The following CSMD1 variants were observed in gnomAD, a reference collection of about 807,000 sequenced individuals.
CSMD1 encodes CUB and sushi domain-containing protein 1.
In CSMD1, 213 loss-of-function variants were observed where a neutral mutation model predicts 417.5. The ratio of observed to expected loss-of-function variants is 0.51; its 90% confidence interval spans 0.46 to 0.57. The LOEUF is 0.57. Among genes scored for constraint, CSMD1 ranks in the 20% least tolerant of loss-of-function variants. CSMD1 has a pLI of 0.00. For missense variants in CSMD1, 6,923 were observed against 4,529.7 expected, an observed-to-expected ratio of 1.53 and a Z score of -15.17; for synonymous variants, 2,862 against 1,736.8, an observed-to-expected ratio of 1.65 and a Z score of -16.11.
chr8:4,322,924 G>T (rs1236524259), intron 3 of CSMD1, among the ~76,000 whole-genome samples: 2 of 152,210 alleles, frequency 1.3e-5, no homozygotes, highest in Non-Finnish European at 2.9e-5. Context: ...GGTGGAGGTT[G>T]CAGTGAGCCT....
chr8:3,118,412 A>G lies in CSMD1; in HGVS notation c.6417T>C (p.Phe2139=), dbSNP rs190764685. Residue 2139 remains phenylalanine, a synonymous_variant, in exon 42 of 70, where the codon TTT becomes TTC. Coordinates refer to ENST00000635120, the MANE Select transcript of CSMD1 (RefSeq NM_033225.6). ...HGINRNWNYP[F]PRCDAPCGYN... is the part of the protein sequence containing the mutation. ...TGATGAACTTACCATCACATCTTGG[A>G]AAAGGGTAGTTCCAGTTTCTGTTGA... The G allele has an allele frequency of 1.2e-5, 20 of 1,612,292 alleles. 1 individual carries two copies. The Admixed American group carries it at 2.2e-4, about 18-fold the overall frequency.
At chr8:3,408,632 A>G (rs114478249) in intron 13 of CSMD1, among the ~76,000 whole-genome samples, 2,496 of 152,224 alleles carry the variant, frequency 0.016, 69 homozygotes, top group African/African-American at 0.056. Context: ...TTTATATTTT[A>G]TACTTTCCTG....
At chr8:3,257,532 T>C (rs1412663038) in intron 26 of CSMD1, among the ~76,000 whole-genome samples, 1 of 152,200 alleles carries the variant, frequency 6.6e-6, no homozygotes, top group Non-Finnish European at 1.5e-5. Flanking sequence ...GGAGTGTCGA[T>C]GGCACTGAGA....
At chr8:4,236,399 C>T (rs936938603) in intron 3 of CSMD1, among the ~76,000 whole-genome samples, 2 of 151,932 alleles carry the variant, frequency 1.3e-5, no homozygotes, top group Non-Finnish European at 2.9e-5. Context: ...GACGAAGCAC[C>T]CACTCTAGCC....
chr8:3,897,175 G>T (rs1440248358), intron 5 of CSMD1, among the ~76,000 whole-genome samples: 2 of 152,174 alleles, frequency 1.3e-5, no homozygotes, highest in Non-Finnish European at 2.9e-5. Context: ...CGAGACAAGG[G>T]TTAGTAGCAC....
At chr8:4,292,279 G>C (rs1364742496) in intron 3 of CSMD1, among the ~76,000 whole-genome samples, 4 of 152,116 alleles carry the variant, frequency 2.6e-5, no homozygotes, top group African/African-American at 4.8e-5. Flanking sequence ...TTGAGACAGA[G>C]TCTCGCTCTG....
intron 3 of CSMD1, among the ~76,000 whole-genome samples, chr8:4,249,072 T>G (rs1233591559): frequency 6.6e-6 from 1 of 152,182 alleles, no homozygotes; most frequent in Admixed American, 6.5e-5. Context: ...TTCCTTGCTG[T>G]TAGGCACTCA....
At chr8:3,905,354 TA>T (rs1218652042) in intron 5 of CSMD1, among the ~76,000 whole-genome samples, 6 of 152,188 alleles carry the variant, frequency 3.9e-5, no homozygotes, top group Non-Finnish European at 8.8e-5. Flanking sequence ...GTTGATCATC[TA>T]AAAAAAGTTC....
intron 12 of CSMD1, among the ~76,000 whole-genome samples, chr8:3,438,926 G>T (rs1195317278): frequency 6.6e-6 from 1 of 151,230 alleles, no homozygotes; most frequent in African/African-American, 2.4e-5. Context: ...GATGAGTCTG[G>T]CCAACCTGGT....
chr8:3,227,020 G>C (rs908976864), intron 27 of CSMD1, among the ~76,000 whole-genome samples: 1 of 152,088 alleles, frequency 6.6e-6, no homozygotes, highest in African/African-American at 2.4e-5. Context: ...AATCTATAAA[G>C]TGTGGTGTTT....
intron 3 of CSMD1, among the ~76,000 whole-genome samples, chr8:4,270,005 G>C (rs1190010836): frequency 1.3e-5 from 2 of 152,212 alleles, no homozygotes; most frequent in Non-Finnish European, 2.9e-5. Flanking sequence ...CCATATATAA[G>C]ATGAGCTTCA....
At chr8:3,758,859 G>A (rs561432369) in intron 5 of CSMD1, among the ~76,000 whole-genome samples, 9 of 152,244 alleles carry the variant, frequency 5.9e-5, no homozygotes, top group Non-Finnish European at 8.8e-5. Flanking sequence ...TATTGAGTGG[G>A]CCCAATGTAA....
At chr8:3,419,322 C>T (rs538781854) in intron 12 of CSMD1, among the ~76,000 whole-genome samples, 8 of 152,282 alleles carry the variant, frequency 5.3e-5, no homozygotes, top group African/African-American at 1.7e-4. Context: ...AAAACTAACT[C>T]CACTGCCGTT....
chr8:4,676,809 A>T (rs1050141240), intron 1 of CSMD1, among the ~76,000 whole-genome samples: 2 of 151,832 alleles, frequency 1.3e-5, no homozygotes, highest in African/African-American at 4.8e-5. Context: ...TCATTTTATA[A>T]AATGGCTTTG....
intron 3 of CSMD1, among the ~76,000 whole-genome samples, chr8:4,367,711 C>G (rs1594353): frequency 6.6e-6 from 1 of 151,842 alleles, no homozygotes; most frequent in Non-Finnish European, 1.5e-5. Context: ...TGGTTTTCAT[C>G]TGTTTCTGTC....
chr8:4,245,490 G>C (rs1018560545), intron 3 of CSMD1, among the ~76,000 whole-genome samples: 16 of 152,130 alleles, frequency 1.1e-4, no homozygotes, highest in Non-Finnish European at 1.8e-4. Context: ...AACTCTTCAT[G>C]AAGAGCCTAA....
chr8:3,888,550 T>C (rs1349406413), intron 5 of CSMD1, among the ~76,000 whole-genome samples: 2 of 152,228 alleles, frequency 1.3e-5, no homozygotes, highest in African/African-American at 2.4e-5. Context: ...ATGCCTCTTG[T>C]ATCAAGTACC....
intron 5 of CSMD1, among the ~76,000 whole-genome samples, chr8:3,956,088 G>A (rs905165617): frequency 7.9e-5 from 12 of 152,174 alleles, no homozygotes; most frequent in Admixed American, 3.9e-4. Context: ...TAGCCACCGT[G>A]CTCGGCCAGG....
chr8:4,285,055 C>G lies in CSMD1; in HGVS notation c.415+134898G>C, dbSNP rs574566621. Among the ~76,000 whole-genome samples, 5 of 152,214 alleles carry G rather than the reference C, an allele frequency of 3.3e-5. No homozygotes were observed. In the East Asian group the frequency reaches 9.7e-4, roughly 29 times the overall value. On this transcript the variant is annotated intron_variant, in intron 3 of 69. Coordinates refer to ENST00000635120, the MANE Select transcript of CSMD1 (RefSeq NM_033225.6). ...CCATAAAACTGTTGTAAGCATAACA[C>G]AATAGTCAGAATGATGCCTAGTGTG...
Sources: gnomAD v4.1 joint callset for allele counts (sites outside exome capture counted in the v4.1 genomes callset) on GRCh38, gnomAD v4.1.1 for gene constraint, MANE v1.5 for transcripts, NCBI Gene and HGNC (gene_info 2026-07-23, HGNC 2026-07-21) for gene names.